SLC71A2: variants seen among roughly 807,000 people sequenced by gnomAD.
SLC71A2 encodes the protein solute carrier family 71 member 2, also known as hippocampus abundant transcript-like 1.
At chr9:94,448,463 G>C in the SLC71A2 span, among the ~76,000 whole-genome samples, 5 of 152,242 alleles carry the variant, frequency 3.3e-5, no homozygotes, top group Admixed American at 1.3e-4. Flanking sequence ...GATTTCATTG[G>C]AAGGCAGGCC....
chr9:94,423,270 T>C, the SLC71A2 span, among the ~76,000 whole-genome samples: 67 of 149,898 alleles, frequency 4.5e-4, no homozygotes, highest in African/African-American at 1.3e-3. Flanking sequence ...TCTCTCTTTT[T>C]TTTTTTTTTT....
At chr9:94,453,815 A>G in the SLC71A2 span, 1 of 630,998 alleles carries the variant, frequency 1.6e-6, no homozygotes, top group Non-Finnish European at 2.8e-6. Flanking sequence ...GGTCATCAGT[A>G]CTGTCCAGAC....
chr9:94,417,611 G>A, the SLC71A2 span, among the ~76,000 whole-genome samples: 1 of 152,112 alleles, frequency 6.6e-6, no homozygotes, highest in African/African-American at 2.4e-5. Context: ...TGGGCAACGA[G>A]TGCAAAACTC....
At chr9:94,425,954 C>T in the SLC71A2 span, among the ~76,000 whole-genome samples, 3 of 151,742 alleles carry the variant, frequency 2.0e-5, no homozygotes, top group African/African-American at 7.3e-5. Flanking sequence ...TTCAAGTTTA[C>T]AGTCAGGCTG....
chr9:94,445,085 G>C, the SLC71A2 span: 1 of 1,614,176 alleles, frequency 6.2e-7, no homozygotes, highest in African/African-American at 1.3e-5. Context: ...CTGGACATCT[G>C]CTTCATCTTA....
the SLC71A2 span, among the ~76,000 whole-genome samples, chr9:94,392,863 T>A: frequency 6.6e-6 from 1 of 151,406 alleles, no homozygotes. Context: ...AATTAAGGCA[T>A]CTTATCTAGA....
chr9:94,459,446 C>CTCTGAGAGCCATGGAGGG, the SLC71A2 span: 1 of 1,609,194 alleles, frequency 6.2e-7, no homozygotes, highest in Admixed American at 1.7e-5. Context: ...CATACGCCAT[C>CTCTGAGAGCCATGGAGGG]TCTGAGAGCC....
chr9:94,396,079 G>A, the SLC71A2 span, among the ~76,000 whole-genome samples: 1 of 151,704 alleles, frequency 6.6e-6, no homozygotes, highest in South Asian at 2.1e-4. Context: ...GAAGCTATAG[G>A]GATATGGCAG....
chr9:94,444,343 G>A, the SLC71A2 span, among the ~76,000 whole-genome samples: 1 of 152,220 alleles, frequency 6.6e-6, no homozygotes, highest in Non-Finnish European at 1.5e-5. Context: ...CAGAGAGACA[G>A]AAATCTACAG....
At chr9:94,438,123 AGACGAGGTTTCACCAT>A in the SLC71A2 span, among the ~76,000 whole-genome samples, 41 of 151,948 alleles carry the variant, frequency 2.7e-4, no homozygotes, top group Admixed American at 3.9e-4. Context: ...TTTTTAGTAG[AGACGAGGTTTCACCAT>A]GTTGGCCAGA....
At chr9:94,390,429 C>T in the SLC71A2 span, among the ~76,000 whole-genome samples, 3 of 150,320 alleles carry the variant, frequency 2.0e-5, no homozygotes, top group African/African-American at 2.5e-5. Context: ...ATTTTCTAGT[C>T]GGTAAAAGTA....
chr9:94,424,714 A>G, the SLC71A2 span, among the ~76,000 whole-genome samples: 1 of 140,778 alleles, frequency 7.1e-6, no homozygotes, highest in African/African-American at 2.7e-5. Context: ...AAGAATGGAC[A>G]TATTGTTTTC....
At chr9:94,460,335 C>CGAAGA in the SLC71A2 span, 1 of 152,646 alleles carries the variant, frequency 6.6e-6, no homozygotes, top group African/African-American at 2.4e-5. Context: ...CCCATGTCTT[C>CGAAGA]CATGTCCTGC....
chr9:94,457,293 AT>A, the SLC71A2 span, among the ~76,000 whole-genome samples: 2 of 152,020 alleles, frequency 1.3e-5, no homozygotes, highest in Non-Finnish European at 2.9e-5. Context: ...CCATGGCTAG[AT>A]TTAATCTCTT....
chr9:94,388,914 A>C, the SLC71A2 span, among the ~76,000 whole-genome samples: 4 of 152,132 alleles, frequency 2.6e-5, no homozygotes, highest in Non-Finnish European at 5.9e-5. Context: ...CCTGGTCCCG[A>C]GTGTTTGGGT....
At chr9:94,440,442 TA>T in the SLC71A2 span, among the ~76,000 whole-genome samples, 1 of 151,952 alleles carries the variant, frequency 6.6e-6, no homozygotes, top group Non-Finnish European at 1.5e-5. Context: ...ATTATATTAA[TA>T]GATTTTTAAA....
At chr9:94,411,125 T>C in the SLC71A2 span, among the ~76,000 whole-genome samples, 1 of 150,894 alleles carries the variant, frequency 6.6e-6, no homozygotes, top group Non-Finnish European at 1.5e-5. Context: ...AGACTGTAAG[T>C]TGTTCTTTTT....
At chr9:94,428,262 G>T in the SLC71A2 span, among the ~76,000 whole-genome samples, 91 of 151,228 alleles carry the variant, frequency 6.0e-4, no homozygotes, top group African/African-American at 2.4e-4. Flanking sequence ...TAAAGAAAAT[G>T]TCTGTATCTC....
the SLC71A2 span, chr9:94,374,886 C>G: frequency 1.6e-6 from 2 of 1,240,388 alleles, no homozygotes; most frequent in Non-Finnish European, 2.0e-6. Context: ...GGGAGCCATG[C>G]CGGAGAAGCG....
Sources: allele counts gnomAD v4.1 joint callset (sites outside exome capture counted in the v4.1 genomes callset), GRCh38; gene constraint gnomAD v4.1.1; transcripts MANE v1.5; gene names NCBI Gene and HGNC (gene_info 2026-07-23, HGNC 2026-07-21).